SACS: variants seen among roughly 807,000 people sequenced by gnomAD.
SACS encodes sacsin.
Under a neutral mutation model 348.0 loss-of-function variants are expected in SACS, and 197 were observed. The ratio of observed to expected loss-of-function variants is 0.57; its 90% confidence interval spans 0.50 to 0.64. SACS has a LOEUF of 0.64. SACS is among the 30% of genes least tolerant of loss of function. The pLI is 0.00. For synonymous variants in SACS, 1,985 were observed against 1,910.6 expected (o/e 1.04, Z -1.02); for missense variants, 4,999 against 5,360.8 (o/e 0.93, Z 2.11).
intron 2 of SACS, among the ~76,000 whole-genome samples, chr13:23,392,892 A>G (rs897094083): frequency 1.3e-5 from 2 of 152,220 alleles, no homozygotes; most frequent in Non-Finnish European, 2.9e-5. Context: ...CTCTGAAAAC[A>G]TAAGATGAAG....
intron 4 of SACS, among the ~76,000 whole-genome samples, chr13:23,368,896 TC>T (rs1019606070): frequency 3.3e-5 from 5 of 152,184 alleles, no homozygotes; most frequent in African/African-American, 2.4e-5. Flanking sequence ...AGATGGGGTT[TC>T]ACCATGTTAG....
Position 23,338,006 on chromosome 13 carries a change from G to C in SACS, c.5870C>G (p.Ser1957Cys), listed in dbSNP as rs1868818317. 6.2e-7 allele frequency: 1 copy of C among 1,613,618 alleles called. No homozygotes were observed. Among genetic ancestry groups the C allele is most frequent in the African/African-American group, 1.3e-5 (1 of 74,828 alleles). ...PDPDLVHDDFSVICQGFYEDI... is the reference protein window; with the variant it reads ...PDPDLVHDDFCVICQGFYEDI... ...TTCATAAAATCCTTGGCAAATTACA[G>C]AAAAATCATCATGAACTAAATCAGG... Residue 1957 changes from serine to cysteine, a missense_variant, in exon 10 of 10, where the codon TCT becomes TGT. Transcript: ENST00000382292.
chr13:23,389,682 C>T (rs1309743888), intron 2 of SACS, among the ~76,000 whole-genome samples: 1 of 152,224 alleles, frequency 6.6e-6, no homozygotes, highest in African/African-American at 2.4e-5. Flanking sequence ...ATACGTAGTA[C>T]ATGATTCTCT....
chr13:23,339,924 A>G lies in SACS; in HGVS notation c.3952T>C (p.Phe1318Leu). Reference protein sequence around the residue: ...PKTMAKFHQLFKVCGSIEELT... With the variant: ...PKTMAKFHQLLKVCGSIEELT... ...TCCTCTATTGAACCACAGACCTTAA[A>G]TAGTTGGTGGAATTTTGCCATGGTT... The change falls in exon 10 of 10, where the codon TTT becomes CTT. Residue 1318 changes from phenylalanine to leucine, a missense_variant. Physicochemically the swap from Phe to Leu is conservative, Grantham distance 22. Coordinates refer to ENST00000382292, the MANE Select transcript of SACS (RefSeq NM_014363.6). The G allele has an allele frequency of 6.2e-7, 1 of 1,614,038 alleles. No homozygotes were observed. The highest frequency in any genetic ancestry group is 1.1e-5 in the South Asian group (1 of 91,050).
At chr13:23,425,944 G>C (rs1209750752) in intron 1 of SACS, among the ~76,000 whole-genome samples, 1 of 152,148 alleles carries the variant, frequency 6.6e-6, no homozygotes, top group Non-Finnish European at 1.5e-5. Context: ...AGATTACCTT[G>C]CAGGGGCATG....
intron 8 of SACS, 84 bp from the exon 9 acceptor site, chr13:23,353,960 G>C (rs1024826090): frequency 3.1e-5 from 26 of 837,746 alleles, no homozygotes; most frequent in Non-Finnish European, 5.4e-5. Flanking sequence ...TTTCAAGTCA[G>C]TTAAGCCGAC....
intron 5 of SACS, 86 bp downstream of exon 5, chr13:23,368,316 T>A (rs1871183851): frequency 2.0e-6 from 2 of 987,704 alleles, no homozygotes; most frequent in South Asian, 1.6e-5. Flanking sequence ...TTTTAAAAAT[T>A]TAAACACTAA....
intron 1 of SACS, among the ~76,000 whole-genome samples, chr13:23,419,850 A>G (rs184290202): frequency 2.5e-3 from 381 of 152,322 alleles, no homozygotes; most frequent in Non-Finnish European, 4.2e-3. Context: ...GCATTTGGCC[A>G]GAGAATATGT....
At chr13:23,367,221 T>C (rs1359612345) in intron 5 of SACS, among the ~76,000 whole-genome samples, 4 of 152,180 alleles carry the variant, frequency 2.6e-5, no homozygotes, top group East Asian at 3.9e-4. Flanking sequence ...ATACAAAAAC[T>C]GTTTTTGAAT....
rs540923034 is a variant in SACS at position 23,338,153 on chromosome 13, C to T, written c.5723G>A (p.Trp1908Ter). The change falls in exon 10 of 10, where the codon TGG becomes TAG. Residue 1908 changes from tryptophan (W) to a stop codon, truncating the protein, a stop_gained. Transcript: ENST00000382292. LOFTEE classifies it high-confidence loss of function. ...AACATGTCTCATGAACGTGGTATTC[C>T]ATCGTCCTTTTGTATCTGTTTTCCA... is the stretch of plus-strand genomic sequence containing the variant. Reference protein sequence around the residue: ...EIWKTDTKGRWNTTFMRHVIV... With the variant: ...EIWKTDTKGR 6.2e-7 allele frequency: 1 copy of T among 1,614,120 alleles called. No individual in the cohort carries two copies. Among genetic ancestry groups the T allele is most frequent in the South Asian group, 1.1e-5 (1 of 91,076 alleles).
intron 1 of SACS, among the ~76,000 whole-genome samples, chr13:23,424,264 G>A (rs1365488826): frequency 6.6e-6 from 1 of 152,180 alleles, no homozygotes; most frequent in African/African-American, 2.4e-5. Context: ...GGTGGCTCAC[G>A]CCTATAATCC....
chr13:23,385,351 A>G (rs1358462267), intron 2 of SACS, among the ~76,000 whole-genome samples: 1 of 149,832 alleles, frequency 6.7e-6, no homozygotes, highest in Non-Finnish European at 1.5e-5. Flanking sequence ...CCCATGAATC[A>G]TGGATGTTCT....
chr13:23,393,239 G>A (rs74766696), intron 2 of SACS, among the ~76,000 whole-genome samples: 1,969 of 152,322 alleles, frequency 0.013, 38 homozygotes, highest in African/African-American at 0.044. Flanking sequence ...AGAGAAGCAT[G>A]GAGGTTAAGG....
chr13:23,419,820 T>C (rs574830718), intron 1 of SACS, among the ~76,000 whole-genome samples: 1 of 152,336 alleles, frequency 6.6e-6, no homozygotes, highest in African/African-American at 2.4e-5. Context: ...ATATATATTC[T>C]TTGGGGAGGT....
intron 5 of SACS, among the ~76,000 whole-genome samples, chr13:23,367,578 C>CT (rs964797278): frequency 4.6e-5 from 7 of 152,122 alleles, no homozygotes; most frequent in African/African-American, 1.7e-4. Context: ...ATTGGTTTTT[C>CT]TTTTTTTGTT....
At chr13:23,410,015 G>A (rs762434880) in intron 2 of SACS, among the ~76,000 whole-genome samples, 1 of 152,134 alleles carries the variant, frequency 6.6e-6, no homozygotes, top group Non-Finnish European at 1.5e-5. Context: ...AAAGAAGTCA[G>A]CTGGAAAGTT....
At chr13:23,429,554 G>A (rs1874348121) in intron 1 of SACS, among the ~76,000 whole-genome samples, 3 of 151,514 alleles carry the variant, frequency 2.0e-5, no homozygotes, top group Admixed American at 6.6e-5. Context: ...TAGTAGAGAC[G>A]GGGTTTCACC....
At position 23,357,211 on chromosome 13, in the gene SACS, G is replaced by A. The variant is rs1321239858; in HGVS notation, c.604+1124C>T. Among the ~76,000 whole-genome samples the A allele has an allele frequency of 3.3e-5, 5 of 152,176 alleles. No homozygotes were observed. In the East Asian group the frequency reaches 9.6e-4, roughly 29 times the overall value. ...CAGTTCATTCCTGCTTAAGCCTCCA[G>A]GCTTTTGCTACTCACATCTGTGTCC... is the stretch of plus-strand genomic sequence containing the variant. On this transcript the variant is annotated intron_variant, in intron 7 of 9. Transcript: ENST00000382292.
intron 2 of SACS, among the ~76,000 whole-genome samples, chr13:23,398,233 T>A (rs1272617170): frequency 6.8e-6 from 1 of 147,338 alleles, no homozygotes; most frequent in African/African-American, 2.5e-5. Flanking sequence ...AAAATACATT[T>A]AAGAAATACA....
Sources: gnomAD v4.1 joint callset for allele counts (sites outside exome capture counted in the v4.1 genomes callset) on GRCh38, gnomAD v4.1.1 for gene constraint, MANE v1.5 for transcripts, NCBI Gene and HGNC (gene_info 2026-07-23, HGNC 2026-07-21) for gene names.